ZNF66: variants seen among roughly 807,000 people sequenced by gnomAD.
The protein encoded by ZNF66 is putative zinc finger protein 66.
In ZNF66, 32 loss-of-function variants were observed where a neutral mutation model predicts 35.2. The ratio of observed to expected loss-of-function variants is 0.91; its 90% CI spans 0.69 to 1.22. The LOEUF is 1.22. Among genes scored for constraint, ZNF66 ranks in the 50% most tolerant of loss-of-function variants. The pLI is 0.00. For missense variants in ZNF66, 666 were observed against 543.1 expected (o/e 1.23, Z -2.25); for synonymous variants, 231 against 181.3 (o/e 1.27, Z -2.20).
Position 20,776,539 on chromosome 19 carries a change from C to T in ZNF66, c.3+89C>T, listed in dbSNP as rs534436732. On this transcript the variant is annotated intron_variant, in intron 1 of 3. Coordinates refer to ENST00000344519, the MANE Select transcript of ZNF66 (RefSeq NM_001355197.2). ...CTCAGTCAGCTCCACAATCTGCACC[C>T]CGAATTCTCCTTACCCAGCTCTGCC... 1.7e-4 allele frequency: 240 copies of T among 1,425,312 alleles called. 3 individuals carry two copies. Among genetic ancestry groups the T allele is most frequent in the South Asian group, 6.0e-4 (52 of 86,780 alleles). 88.3% of individuals were successfully genotyped at this position (1,425,312 alleles called of 1,614,324 possible). A position where few individuals can be genotyped will look rare whatever the true frequency, so the allele number is the denominator to read the frequency against.
At chr19:20,779,185 T>C (rs535232594) in intron 1 of ZNF66, among the ~76,000 whole-genome samples, 26 of 147,058 alleles carry the variant, frequency 1.8e-4, no homozygotes, top group Non-Finnish European at 3.0e-4. Context: ...TTCTGTACTT[T>C]GTAAAATAAA....
intron 3 of ZNF66, 152 bp downstream of exon 3, chr19:20,794,030 G>T (rs1971368668): frequency 3.6e-6 from 2 of 548,816 alleles, no homozygotes; most frequent in Non-Finnish European, 3.3e-6. Context: ...TGTTTTTGTT[G>T]TTTTAAATTT....
chr19:20,799,483 T>C (rs1424496355), intron 3 of ZNF66: 1 of 142,918 alleles, frequency 7.0e-6, no homozygotes, highest in Non-Finnish European at 1.5e-5. Context: ...ACCTAATGAG[T>C]GTGAGGCGAT....
intron 1 of ZNF66, among the ~76,000 whole-genome samples, chr19:20,781,775 T>G (rs972911688): frequency 1.3e-5 from 2 of 152,158 alleles, no homozygotes; most frequent in Non-Finnish European, 2.9e-5. Context: ...CCCAAAGCGC[T>G]GGGATTACAG....
At chr19:20,796,961 A>G (rs1007359897) in intron 3 of ZNF66, among the ~76,000 whole-genome samples, 4 of 151,778 alleles carry the variant, frequency 2.6e-5, no homozygotes, top group African/African-American at 4.8e-5. Flanking sequence ...AGCAATTCTC[A>G]TGCCTCAGTC....
At chr19:20,792,675 C>A in intron 2 of ZNF66, 37 bp downstream of exon 2, 1 of 1,101,672 alleles carries the variant, frequency 9.1e-7, no homozygotes, top group Non-Finnish European at 1.3e-6. Context: ...ATAATATACA[C>A]AAATTGTTTT....
At chr19:20,783,750 T>A (rs185967756) in intron 1 of ZNF66, among the ~76,000 whole-genome samples, 12 of 152,356 alleles carry the variant, frequency 7.9e-5, no homozygotes, top group Admixed American at 3.3e-4. Context: ...ATGCATGAAC[T>A]CAACAGTGGA....
Position 20,794,712 on chromosome 19 carries a change from A to G in ZNF66, c.226+834A>G, listed in dbSNP as rs569310586. The G allele has an allele frequency of 2.0e-5, 3 of 151,738 alleles. No individual in the cohort carries two copies. The South Asian group carries it at 6.2e-4, about 32-fold the overall frequency. The allele number at this position is 151,738 out of a possible 1,614,324, so 9.4% of individuals were successfully genotyped here. A position where few individuals can be genotyped will look rare whatever the true frequency, so the allele number is the denominator to read the frequency against. The stretch of plus-strand genomic sequence containing the variant: ...TATTAAATAAGATTTTTTCTTCCTC[A>G]TCAGATAGTTTGTTTTAAGTGTAAG... On this transcript the variant is annotated intron_variant, in intron 3 of 3. Transcript: ENST00000344519.
At chr19:20,781,488 G>A (rs1260373074) in intron 1 of ZNF66, among the ~76,000 whole-genome samples, 2 of 151,272 alleles carry the variant, frequency 1.3e-5, no homozygotes, top group East Asian at 3.9e-4. Context: ...CATTCATTTG[G>A]TTTTCTGTTT....
chr19:20,788,116 G>T (rs1238833359), intron 1 of ZNF66, among the ~76,000 whole-genome samples: 3 of 152,172 alleles, frequency 2.0e-5, no homozygotes, highest in Non-Finnish European at 4.4e-5. Context: ...CTACCCAGAT[G>T]AGAGTTTCTC....
At chr19:20,779,161 T>C (rs1230152323) in intron 1 of ZNF66, among the ~76,000 whole-genome samples, 3 of 152,120 alleles carry the variant, frequency 2.0e-5, no homozygotes, top group African/African-American at 7.2e-5. Flanking sequence ...GCAGTCGTTA[T>C]GTTTTGTGGC....
intron 1 of ZNF66, among the ~76,000 whole-genome samples, chr19:20,786,023 GAGTCCT>G (rs74172369): frequency 0.65 from 97,595 of 151,090 alleles, 31,614 homozygotes; most frequent in Non-Finnish European, 0.67. Context: ...CAGCCTCCCA[GAGTCCT>G]AGTCCTGGGA....
At chr19:20,792,063 A>T (rs1971342986) in intron 1 of ZNF66, among the ~76,000 whole-genome samples, 2 of 152,180 alleles carry the variant, frequency 1.3e-5, no homozygotes, top group African/African-American at 4.8e-5. Flanking sequence ...TGGGCCAAAA[A>T]CATTGACATT....
chr19:20,783,558 T>C (rs552652230), intron 1 of ZNF66, among the ~76,000 whole-genome samples: 1 of 152,316 alleles, frequency 6.6e-6, no homozygotes, highest in South Asian at 2.1e-4. Flanking sequence ...CACAGATTTG[T>C]TTAGTTAAAA....
chr19:20,803,304 T>C (rs1214493526), intron 3 of ZNF66, among the ~76,000 whole-genome samples: 4 of 128,700 alleles, frequency 3.1e-5, no homozygotes, highest in Non-Finnish European at 7.1e-5. Context: ...TCATTTTCTC[T>C]TTCTGTCTTT....
rs1971192421 is a variant in ZNF66, at chr19:20,776,309, TC to T, written c.-136del. Reference sequence around the variant, plus strand: ...CCGGATTTGGCGGGGTCTTTGTCTCTCCCTGCAGCTGGAGCTCCAGGTCGTC... The same window carrying T: ...CCGGATTTGGCGGGGTCTTTGTCTCTCCTGCAGCTGGAGCTCCAGGTCGTC... On this transcript the variant is annotated 5_prime_UTR_variant, in exon 1 of 4. Transcript: ENST00000344519. 7.3e-7 allele frequency: 1 copy of T among 1,379,288 alleles called. No homozygotes were observed. The highest frequency in any genetic ancestry group is 1.0e-6 in the Non-Finnish European group (1 of 974,156). 85.4% of individuals were successfully genotyped at this position (1,379,288 alleles called of 1,614,324 possible). A position where few individuals can be genotyped will look rare whatever the true frequency, so the allele number is the denominator to read the frequency against.
In ZNF66 at chr19:20,796,210, C is replaced by T. The variant is rs147467804; in HGVS notation, c.226+2332C>T. On this transcript the variant is annotated intron_variant, in intron 3 of 3. Coordinates refer to ENST00000344519, the MANE Select transcript of ZNF66 (RefSeq NM_001355197.2). ...ATTTCTCTCATAAAGGCATTTTTGT[C>T]AGAGATGGCTGACTTTTTTTTTTGC... is the stretch of plus-strand genomic sequence containing the variant. Among the ~76,000 whole-genome samples the T allele has an allele frequency of 4.8e-3, 723 of 150,686 alleles. 4 individuals carry two copies. Among genetic ancestry groups the T allele is most frequent in the Non-Finnish European group, 7.4e-3 (497 of 67,554 alleles).
chr19:20,777,620 A>AATT (rs150715481), intron 1 of ZNF66, among the ~76,000 whole-genome samples: 13 of 150,278 alleles, frequency 8.7e-5, no homozygotes, highest in South Asian at 4.2e-4. Context: ...TTCCTCAATT[A>AATT]ATTATTATTA....
chr19:20,790,091 C>A (rs1479541394), intron 1 of ZNF66, among the ~76,000 whole-genome samples: 1 of 152,120 alleles, frequency 6.6e-6, no homozygotes, highest in Non-Finnish European at 1.5e-5. Flanking sequence ...ATGCATAGAC[C>A]CTTTTCAAAT....
Sources: gnomAD v4.1 joint callset for allele counts (sites outside exome capture counted in the v4.1 genomes callset) on GRCh38, gnomAD v4.1.1 for gene constraint, MANE v1.5 for transcripts, NCBI Gene and HGNC (gene_info 2026-07-23, HGNC 2026-07-21) for gene names.